The following ZFHX3 variants were observed in gnomAD, a reference collection of about 807,000 sequenced individuals.
The protein encoded by ZFHX3 is zinc finger homeobox protein 3.
A neutral mutation model predicts 279.1 loss-of-function variants in ZFHX3; 42 were observed. The ratio of observed to expected loss-of-function variants is 0.15; its 90% CI spans 0.12 to 0.19. The LOEUF is 0.19. Among genes scored for constraint, ZFHX3 ranks in the 10% least tolerant of loss-of-function variants. The pLI, the probability that ZFHX3 is intolerant of heterozygous loss-of-function variation, is 1.00. For missense variants in ZFHX3, 4,981 were observed against 4,754.0 expected, an observed-to-expected ratio of 1.05 and a Z score of -1.40; for synonymous variants, 2,293 against 1,957.8, an observed-to-expected ratio of 1.17 and a Z score of -4.52.
At chr16:72,859,409 G>T (rs1026297856) in intron 4 of ZFHX3, among the ~76,000 whole-genome samples, 10 of 152,148 alleles carry the variant, frequency 6.6e-5, no homozygotes, top group Non-Finnish European at 1.3e-4. Flanking sequence ...TCCCAGAGAG[G>T]CCGCAAGGGG....
chr16:73,480,164 ATT>A (rs367636601), intron 2 of ZFHX3, among the ~76,000 whole-genome samples: 1 of 142,166 alleles, frequency 7.0e-6, no homozygotes. Context: ...TAAAGCAGCT[ATT>A]TTTTTTTTTT....
chr16:73,202,912 T>C (rs868512804), intron 5 of ZFHX3, among the ~76,000 whole-genome samples: 4,970 of 134,918 alleles, frequency 0.037, 236 homozygotes, highest in African/African-American at 0.16. Flanking sequence ...TCTTTCTTTT[T>C]TTTTTTTTTT....
intron 5 of ZFHX3, among the ~76,000 whole-genome samples, chr16:73,174,161 C>T (rs1307571363): frequency 6.6e-6 from 1 of 152,074 alleles, no homozygotes; most frequent in African/African-American, 2.4e-5. Flanking sequence ...TAGCAGATCT[C>T]TCTTCTCTGC....
chr16:73,458,031 AT>A (rs2018404121), intron 2 of ZFHX3, among the ~76,000 whole-genome samples: 1 of 152,102 alleles, frequency 6.6e-6, no homozygotes, highest in African/African-American at 2.4e-5. Flanking sequence ...CACTTGAACC[AT>A]TTTGTCCTGC....
chr16:72,942,349 C>G (rs1960450502), intron 3 of ZFHX3, among the ~76,000 whole-genome samples: 1 of 152,226 alleles, frequency 6.6e-6, no homozygotes, highest in Admixed American at 6.5e-5. Context: ...CTAAGGGTTA[C>G]AGACCACCCC....
chr16:72,889,122 G>A (rs113211933), intron 4 of ZFHX3, among the ~76,000 whole-genome samples: 16 of 152,088 alleles, frequency 1.1e-4, no homozygotes, highest in African/African-American at 2.9e-4. Flanking sequence ...AGGTAGAAAC[G>A]AGGCAAGCTC....
chr16:73,067,192 T>C (rs1471808100), intron 8 of ZFHX3, among the ~76,000 whole-genome samples: 1 of 152,088 alleles, frequency 6.6e-6, no homozygotes, highest in African/African-American at 2.4e-5. Context: ...TCTCATTCTG[T>C]CTGGGAAGAA....
At chr16:73,650,155 G>A (rs1432182594) in intron 2 of ZFHX3, among the ~76,000 whole-genome samples, 1 of 151,944 alleles carries the variant, frequency 6.6e-6, no homozygotes, top group Admixed American at 6.6e-5. Context: ...CTCCCAAAGT[G>A]GAATAGCAGG....
At chr16:72,806,382 C>T (rs2036268555) in intron 7 of ZFHX3, among the ~76,000 whole-genome samples, 2 of 152,130 alleles carry the variant, frequency 1.3e-5, no homozygotes, top group Admixed American at 6.5e-5. Flanking sequence ...GAGGTGAGAA[C>T]TGAGAAGGAG....
intron 1 of ZFHX3, among the ~76,000 whole-genome samples, chr16:73,870,020 T>C (rs1481563221): frequency 6.6e-6 from 1 of 152,226 alleles, no homozygotes; most frequent in African/African-American, 2.4e-5. Context: ...TAATAAAGCT[T>C]CTTGAATCTT....
At position 73,366,178 on chromosome 16, in the gene ZFHX3, T is replaced by C. The variant is rs114934724; in HGVS notation, c.-1290-47842A>G. 4.5e-3 allele frequency among the ~76,000 whole-genome samples: 692 copies of C among 152,300 alleles called. 8 individuals carry two copies. Among genetic ancestry groups the C allele is most frequent in the African/African-American group, 0.016 (650 of 41,556 alleles). ...CTTGAGTAGGGAATGGGAATGATGTTGGCAAATCATTTGCTGAAATGTTAT... is the reference window on the plus strand; with the variant it reads ...CTTGAGTAGGGAATGGGAATGATGTCGGCAAATCATTTGCTGAAATGTTAT... On this transcript the variant is annotated intron_variant, in intron 3 of 17. Coordinates refer to the ZFHX3 transcript ENST00000641206.
chr16:73,483,951 A>G (rs1408538963), intron 2 of ZFHX3, among the ~76,000 whole-genome samples: 3 of 89,150 alleles, frequency 3.4e-5, no homozygotes, highest in African/African-American at 9.4e-5. Context: ...TTTTTTTTTT[A>G]ATTTCTGCAT....
At chr16:72,828,908 C>T (rs1168466384) in intron 5 of ZFHX3, among the ~76,000 whole-genome samples, 1 of 151,980 alleles carries the variant, frequency 6.6e-6, no homozygotes, top group Non-Finnish European at 1.5e-5. Context: ...CCAGGCTGGT[C>T]TCGAACTCCT....
intron 3 of ZFHX3, among the ~76,000 whole-genome samples, chr16:72,912,056 G>A (rs572887229): frequency 3.9e-4 from 60 of 152,226 alleles, no homozygotes; most frequent in African/African-American, 1.2e-3. Flanking sequence ...AGCAGAAAAC[G>A]GGAGGATAAA....
intron 4 of ZFHX3, among the ~76,000 whole-genome samples, chr16:72,874,908 A>C (rs934826617): frequency 3.0e-4 from 45 of 150,460 alleles, no homozygotes; most frequent in Non-Finnish European, 1.8e-4. Flanking sequence ...AGCCTGTGAT[A>C]CAGCTTCAAA....
intron 4 of ZFHX3, among the ~76,000 whole-genome samples, chr16:72,884,470 G>T (rs1437794015): frequency 6.6e-6 from 1 of 152,186 alleles, no homozygotes; most frequent in Non-Finnish European, 1.5e-5. Flanking sequence ...GTGCAGAGGA[G>T]ATCAGTGATC....
intron 4 of ZFHX3, among the ~76,000 whole-genome samples, chr16:73,268,042 A>G (rs1403747628): frequency 6.6e-6 from 1 of 152,220 alleles, no homozygotes; most frequent in Non-Finnish European, 1.5e-5. Flanking sequence ...TGATTTACCC[A>G]GTATTTCCAT....
intron 2 of ZFHX3, among the ~76,000 whole-genome samples, chr16:73,615,539 G>A (rs997348363): frequency 7.9e-5 from 12 of 152,210 alleles, no homozygotes; most frequent in African/African-American, 2.7e-4. Context: ...CAGTGCAGCT[G>A]TGCACTGAAA....
At chr16:73,238,581 GC>G (rs2144940657) in intron 5 of ZFHX3, among the ~76,000 whole-genome samples, 1 of 152,098 alleles carries the variant, frequency 6.6e-6, no homozygotes, top group South Asian at 2.1e-4. Context: ...TCTCAGATAT[GC>G]CTTGCCCACA....
Sources: allele counts gnomAD v4.1 joint callset (sites outside exome capture counted in the v4.1 genomes callset), GRCh38; gene constraint gnomAD v4.1.1; transcripts MANE v1.5; gene names NCBI Gene and HGNC (gene_info 2026-07-23, HGNC 2026-07-21).